DUSP18: variants seen among roughly 807,000 people sequenced by gnomAD.
The protein encoded by DUSP18 is dual specificity protein phosphatase 18.
In DUSP18, 4 loss-of-function variants were observed where a neutral mutation model predicts 6.3. That is an observed-to-expected ratio of 0.63 (90% CI 0.31 to 1.45). DUSP18 has a LOEUF of 1.45. DUSP18 is among the 40% of genes most tolerant of loss of function. DUSP18 has a pLI of 0.07. For synonymous variants in DUSP18, 96 were observed against 95.1 expected, an observed-to-expected ratio of 1.01 and a Z score of -0.05; for missense variants, 235 against 247.7, an observed-to-expected ratio of 0.95 and a Z score of 0.34.
intron 1 of DUSP18, chr22:30,665,673 G>A (rs893933995): frequency 7.9e-6 from 3 of 378,690 alleles, no homozygotes; most frequent in East Asian, 7.5e-5. Context: ...TACTGAAGAC[G>A]TAGTTTTGCT....
intron 2 of DUSP18, among the ~76,000 whole-genome samples, chr22:30,653,369 TCCTTC>T (rs1468362879): frequency 6.7e-6 from 1 of 148,426 alleles, no homozygotes; most frequent in Admixed American, 6.7e-5. Context: ...GCCCCCTTCC[TCCTTC>T]TTTTTTTTTT....
intron 1 of DUSP18, among the ~76,000 whole-genome samples, chr22:30,665,296 C>T (rs67153574): frequency 0.17 from 25,492 of 152,218 alleles, 5,495 homozygotes; most frequent in African/African-American, 0.51. Context: ...TAAGATGGAG[C>T]CACTTAGTTT....
intron 1 of DUSP18, 73 bp downstream of exon 1, chr22:30,667,389 T>G (rs1338281983): frequency 6.6e-6 from 1 of 152,120 alleles, no homozygotes; most frequent in African/African-American, 2.4e-5. Context: ...GTGGGCCGGG[T>G]AGGTTTCCTA....
At position 30,653,977 on chromosome 22, in the gene DUSP18, G is replaced by GTT. The variant is rs1316985664; in HGVS notation, c.*34-1682_*34-1681dup. ...TTTCTGTAGCCTCATTAGCTGTTTT[G>GTT]TTTTTTTGTTTTTTTTTTTTGAGAC... On this transcript the variant is annotated intron_variant, in intron 2 of 2. Coordinates refer to the DUSP18 transcript ENST00000404885. 3.0e-4 allele frequency: 45 copies of GTT among 149,760 alleles called. 1 individual carries two copies. Among genetic ancestry groups the GTT allele is most frequent in the East Asian group, 2.5e-3 (14 of 5,588 alleles). 9.3% of individuals were successfully genotyped at this position (149,760 alleles called of 1,614,324 possible).
chr22:30,665,352 C>T (rs2088610182), intron 1 of DUSP18: 1 of 275,986 alleles, frequency 3.6e-6, no homozygotes, highest in Non-Finnish European at 7.4e-6. Flanking sequence ...GTCTCTCCAG[C>T]CTCTTATTAG....
chr22:30,659,670 C>G (rs898172949), downstream of DUSP18, among the ~76,000 whole-genome samples: 2 of 152,108 alleles, frequency 1.3e-5, no homozygotes, highest in Non-Finnish European at 2.9e-5. Flanking sequence ...AATTTTAGAA[C>G]TAAGAAAATA....
At chr22:30,659,476 C>T (rs532072695), downstream of DUSP18, among the ~76,000 whole-genome samples, 4 of 152,098 alleles carry the variant, frequency 2.6e-5, no homozygotes, top group South Asian at 2.1e-4. Context: ...TGGGTTCAAG[C>T]GATTCTTCCG....
intron 1 of DUSP18, among the ~76,000 whole-genome samples, chr22:30,664,513 T>C (rs149472814): frequency 6.6e-6 from 1 of 152,302 alleles, no homozygotes; most frequent in Non-Finnish European, 1.5e-5. Flanking sequence ...TTCCAGCCCC[T>C]CTGAGTGGGA....
intron 2 of DUSP18, among the ~76,000 whole-genome samples, chr22:30,656,054 C>A (rs1310973767): frequency 1.3e-5 from 2 of 152,078 alleles, no homozygotes; most frequent in South Asian, 2.1e-4. Flanking sequence ...TTGACTGCAG[C>A]CTCAACCTCC....
downstream of DUSP18, among the ~76,000 whole-genome samples, chr22:30,656,668 A>C (rs555083516): frequency 6.6e-6 from 1 of 152,318 alleles, no homozygotes; most frequent in South Asian, 2.1e-4. Flanking sequence ...TCTGAGTAAA[A>C]GGCTGCTCTA....
chr22:30,659,081 G>A (rs374572579), downstream of DUSP18, among the ~76,000 whole-genome samples: 8 of 145,562 alleles, frequency 5.5e-5, no homozygotes, highest in African/African-American at 1.5e-4. Context: ...CTGGGATTGC[G>A]CCATTGCACT....
intron 1 of DUSP18, chr22:30,665,665 C>G (rs1386333004): frequency 1.5e-5 from 6 of 388,812 alleles, no homozygotes; most frequent in Non-Finnish European, 3.2e-5. Context: ...CTAACACTTA[C>G]TGAAGACGTA....
Position 30,654,277 on chromosome 22 carries a change from C to A in DUSP18, c.*34-1980G>T, listed in dbSNP as rs144801484. Reference sequence around the variant, plus strand: ...AGGATTACAGGCGTGAGCCACCGCGCCCGGCCATCCCATGAGCTGTTTCTT... The same window carrying A: ...AGGATTACAGGCGTGAGCCACCGCGACCGGCCATCCCATGAGCTGTTTCTT... On this transcript the variant is annotated intron_variant, in intron 2 of 2. Transcript: ENST00000404885. The A allele has an allele frequency of 3.1e-3, 1,380 of 441,150 alleles. 43 individuals carry two copies. In the East Asian group the frequency reaches 0.072, roughly 23 times the overall value. 27.3% of individuals were successfully genotyped at this position (441,150 alleles called of 1,614,324 possible).
At chr22:30,655,077 T>C (rs2088307633) in intron 2 of DUSP18, among the ~76,000 whole-genome samples, 1 of 152,164 alleles carries the variant, frequency 6.6e-6, no homozygotes, top group Admixed American at 6.5e-5. Flanking sequence ...CTCTGCTCCC[T>C]ACACTGCTAT....
downstream of DUSP18, among the ~76,000 whole-genome samples, chr22:30,658,978 A>G (rs2088402064): frequency 6.6e-6 from 1 of 151,892 alleles, no homozygotes; most frequent in Non-Finnish European, 1.5e-5. Context: ...CCGCATCTCT[A>G]CTAGGCATGG....
chr22:30,653,458 G>A (rs921071992), intron 2 of DUSP18, among the ~76,000 whole-genome samples: 6 of 150,108 alleles, frequency 4.0e-5, no homozygotes, highest in Admixed American at 6.7e-5. Context: ...TGCAACCTCC[G>A]CCTCCTGGGT....
rs188894312 is a variant in DUSP18 at position 30,662,646 on chromosome 22, G to A, written c.*791C>T. ...GTTTGAGACCAGTCTGGGCGACATA[G>A]TAAAATCTCATCTCTATAAAAAAAG... is the stretch of plus-strand genomic sequence containing the variant. On this transcript the variant is annotated 3_prime_UTR_variant, in exon 2 of 2. Transcript: ENST00000334679. 6.6e-6 allele frequency: 1 copy of A among 152,128 alleles called. No individual in the cohort carries two copies. The highest frequency in any genetic ancestry group is 1.9e-4 in the East Asian group (1 of 5,176). 9.4% of individuals were successfully genotyped at this position (152,128 alleles called of 1,614,324 possible). A position where few individuals can be genotyped will look rare whatever the true frequency, so the allele number is the denominator to read the frequency against.
rs1300569434 is a variant in DUSP18 at position 30,663,941 on chromosome 22, C to T, written c.63G>A (p.Ser21=). 10 of 1,614,028 alleles carry T rather than the reference C, an allele frequency of 6.2e-6. No individual in the cohort carries two copies. The highest frequency in any genetic ancestry group is 2.7e-5 in the African/African-American group (2 of 74,902). ...TGATATACAGGCTTTTGGTTATCTG[C>T]GAGAGGCCGCTGACTGAGGGCTGCC... The part of the protein sequence containing the change: ...QFRQPSVSGL[S]QITKSLYISN... The change falls in exon 2 of 2, where the codon TCG becomes TCA. Residue 21 remains serine (S), a synonymous_variant. Transcript: ENST00000334679.
At chr22:30,654,980 A>C (rs1417072249) in intron 2 of DUSP18, among the ~76,000 whole-genome samples, 1 of 152,192 alleles carries the variant, frequency 6.6e-6, no homozygotes, top group Non-Finnish European at 1.5e-5. Context: ...ACTGAAGCCC[A>C]AAGAATAGAA....
Sources: allele counts gnomAD v4.1 joint callset (sites outside exome capture counted in the v4.1 genomes callset), GRCh38; gene constraint gnomAD v4.1.1; transcripts MANE v1.5; gene names NCBI Gene and HGNC (gene_info 2026-07-23, HGNC 2026-07-21).